WIPF1: variants seen among roughly 807,000 people sequenced by gnomAD.
WIPF1 encodes WAS/WASL-interacting protein family member 1.
A neutral mutation model predicts 35.4 loss-of-function variants in WIPF1; 13 were observed. The ratio of observed to expected loss-of-function variants is 0.37; its 90% CI spans 0.24 to 0.58. WIPF1 has a LOEUF of 0.58. WIPF1 is among the 20% of genes least tolerant of loss of function. The pLI, the probability that WIPF1 is intolerant of heterozygous loss-of-function variation, is 0.74. For missense variants in WIPF1, 591 were observed against 667.0 expected (o/e 0.89, Z 1.25); for synonymous variants, 267 against 266.3 (o/e 1.00, Z -0.02).
intron 1 of WIPF1, among the ~76,000 whole-genome samples, chr2:174,591,863 A>G (rs1685625700): frequency 6.6e-6 from 1 of 152,208 alleles, no homozygotes; most frequent in African/African-American, 2.4e-5. Context: ...GGCATCTTGC[A>G]GCCTCGACTC....
At chr2:174,563,928 C>T (rs1299220113) in intron 7 of WIPF1, among the ~76,000 whole-genome samples, 1 of 152,210 alleles carries the variant, frequency 6.6e-6, no homozygotes, top group African/African-American at 2.4e-5. Flanking sequence ...AGCACCTCTT[C>T]CTCTCACCAT....
rs3049897 is a variant in WIPF1 at position 174,574,953 on chromosome 2, T to TAA, written c.358+249_358+250dup. 0.09 allele frequency: 63,254 copies of TAA among 700,252 alleles called. 1,738 individuals carry two copies. Among genetic ancestry groups the TAA allele is most frequent in the African/African-American group, 0.23 (12,610 of 54,954 alleles). The allele number at this position is 700,252 out of a possible 1,614,324, so 43.4% of individuals were successfully genotyped here. A position where few individuals can be genotyped will look rare whatever the true frequency, so the allele number is the denominator to read the frequency against. The stretch of plus-strand genomic sequence containing the variant: ...CACTCCAGCTAACCCTTTAGAAAAG[T>TAA]AAAAAAAAAAAAATGTACAGGTTAC... On this transcript the variant is annotated intron_variant, in intron 4 of 7. Coordinates refer to ENST00000679041, the MANE Select transcript of WIPF1 (RefSeq NM_001375834.1).
chr2:174,610,133 A>C (rs1004262028), intron 1 of WIPF1, among the ~76,000 whole-genome samples: 1 of 152,188 alleles, frequency 6.6e-6, no homozygotes, highest in African/African-American at 2.4e-5. Flanking sequence ...TGGGGTCAAT[A>C]CCTTATCAGG....
At chr2:174,670,573 TA>T (rs1187236425) in intron 1 of WIPF1, among the ~76,000 whole-genome samples, 1 of 152,200 alleles carries the variant, frequency 6.6e-6, no homozygotes. Flanking sequence ...TTGCCATGCA[TA>T]AATGGAGGCC....
rs776908211 is a variant in WIPF1, at chr2:174,567,961, G to C, written c.1242C>G (p.Pro414=). Residue 414 remains proline (P), a synonymous_variant, in exon 6 of 8, where the codon CCC becomes CCG. Transcript: ENST00000679041. ...RSGVDSPRSG[P]RPPLPPDRPS... ...GCCTATCAGGAGGAAGGGGAGGCCT[G>C]GGTCCACTCCTGGGACTGTCTACTC... 1 of 1,614,172 alleles carries C rather than the reference G, an allele frequency of 6.2e-7. No individual in the cohort carries two copies. The highest frequency in any genetic ancestry group is 2.2e-5 in the East Asian group (1 of 44,884).
chr2:174,578,342 C>G (rs1456529336), intron 3 of WIPF1, among the ~76,000 whole-genome samples: 1 of 152,182 alleles, frequency 6.6e-6, no homozygotes, highest in African/African-American at 2.4e-5. Flanking sequence ...TATTAGACAG[C>G]CTTCCATCTC....
At chr2:174,652,804 A>C (rs191512720) in intron 1 of WIPF1, among the ~76,000 whole-genome samples, 1,599 of 152,016 alleles carry the variant, frequency 0.011, 36 homozygotes, top group African/African-American at 0.036. Flanking sequence ...AAAAAAAAAA[A>C]AAACAAAAAA....
intron 1 of WIPF1, among the ~76,000 whole-genome samples, chr2:174,611,647 TTAC>T (rs924087624): frequency 1.3e-5 from 2 of 152,198 alleles, no homozygotes; most frequent in Admixed American, 6.5e-5. Flanking sequence ...CAAATATTTC[TTAC>T]CCTAAATTGT....
rs761674906 is a variant in WIPF1 at position 174,567,074 on chromosome 2, G to C, written c.1452C>G (p.Ser484Arg). 1.2e-6 allele frequency: 2 copies of C among 1,614,070 alleles called. No individual in the cohort carries two copies. The highest frequency in any genetic ancestry group is 1.7e-6 in the Non-Finnish European group (2 of 1,179,940). The change falls in exon 7 of 8, where the codon AGC (serine) becomes AGG (arginine). Residue 484 changes from serine (S) to arginine (R), a missense_variant. Transcript: ENST00000679041. Reference protein sequence around the residue: ...SYPSKLARNESRSGSNRRERG... With the variant: ...SYPSKLARNERRSGSNRRERG... ...AACCTTGGCAGAAATACTCACTCCG[G>C]CTTTCGTTTCTTGCCAGTTTGCTGG...
At chr2:174,630,411 C>T (rs1471341189) in intron 1 of WIPF1, 1 of 152,190 alleles carries the variant, frequency 6.6e-6, no homozygotes, top group African/African-American at 2.4e-5. Context: ...GTTGTATAAG[C>T]TGGGAACAGA....
At chr2:174,614,582 C>T (rs945516137) in intron 1 of WIPF1, among the ~76,000 whole-genome samples, 23 of 152,206 alleles carry the variant, frequency 1.5e-4, no homozygotes, top group African/African-American at 5.5e-4. Context: ...GGCATTCTGA[C>T]GTGAAAGGTA....
At chr2:174,634,263 G>A (rs1236477894) in intron 1 of WIPF1, among the ~76,000 whole-genome samples, 2 of 152,196 alleles carry the variant, frequency 1.3e-5, no homozygotes, top group African/African-American at 4.8e-5. Flanking sequence ...AAGAACATCC[G>A]AAGTTTTGTT....
intron 1 of WIPF1, among the ~76,000 whole-genome samples, chr2:174,651,169 T>C (rs1192972449): frequency 1.3e-5 from 2 of 152,236 alleles, no homozygotes; most frequent in African/African-American, 4.8e-5. Flanking sequence ...TCATTTCAGG[T>C]CAGCTGCTTC....
At chr2:174,645,360 T>C (rs189063827) in intron 1 of WIPF1, among the ~76,000 whole-genome samples, 81 of 152,338 alleles carry the variant, frequency 5.3e-4, no homozygotes, top group South Asian at 2.3e-3. Context: ...GTACACACCA[T>C]AACTGCCTTC....
intron 1 of WIPF1, among the ~76,000 whole-genome samples, chr2:174,655,157 C>T (rs1415861488): frequency 3.3e-5 from 5 of 151,676 alleles, no homozygotes; most frequent in Non-Finnish European, 7.4e-5. Flanking sequence ...CTTGCCCCTT[C>T]CCTCGTATTC....
At chr2:174,602,867 G>A (rs1305639240) in intron 1 of WIPF1, among the ~76,000 whole-genome samples, 1 of 152,198 alleles carries the variant, frequency 6.6e-6, no homozygotes, top group Non-Finnish European at 1.5e-5. Flanking sequence ...ACGTCCATTT[G>A]TTTGTATGGA....
intron 1 of WIPF1, among the ~76,000 whole-genome samples, chr2:174,653,023 G>A (rs1366228069): frequency 6.6e-6 from 1 of 152,146 alleles, no homozygotes; most frequent in Non-Finnish European, 1.5e-5. Flanking sequence ...AACATATAAT[G>A]AGAATGTACT....
Position 174,572,183 on chromosome 2 carries a change from C to T in WIPF1, c.622G>A (p.Gly208Arg), listed in dbSNP as rs1225837000. The T allele has an allele frequency of 1.9e-6, 3 of 1,613,988 alleles. No homozygotes were observed. The highest frequency in any genetic ancestry group is 1.3e-5 in the African/African-American group (1 of 75,032). ...PHNRGSPPVP[G>R]GPRQPSPGPT... The stretch of plus-strand genomic sequence containing the variant: ...CCGGGGCTGGGCTGCCTGGGGCCTC[C>T]GGGCACTGGTGGGGACCCCCGGTTG... The change falls in exon 5 of 8, where the codon GGA (glycine) becomes AGA (arginine). Residue 208 changes from glycine to arginine, a missense_variant. Gly to Arg is a moderately radical substitution (Grantham distance 125, BLOSUM62 -2). Around this residue, in one of 3 missense-constraint regions of WIPF1, gnomAD observed 471 missense variants for 501.1 expected, o/e 0.94. Coordinates refer to ENST00000679041, the MANE Select transcript of WIPF1 (RefSeq NM_001375834.1).
At chr2:174,663,274 C>T (rs1245345714) in intron 1 of WIPF1, among the ~76,000 whole-genome samples, 1 of 152,180 alleles carries the variant, frequency 6.6e-6, no homozygotes, top group Non-Finnish European at 1.5e-5. Flanking sequence ...AACTGCGACC[C>T]AAACCTCCAA....
Sources: allele counts gnomAD v4.1 joint callset (sites outside exome capture counted in the v4.1 genomes callset), GRCh38; gene constraint gnomAD v4.1.1; regional missense constraint gnomAD v4.1.1; transcripts MANE v1.5; gene names NCBI Gene and HGNC (gene_info 2026-07-23, HGNC 2026-07-21).